PDE6D: variants seen among roughly 807,000 people sequenced by gnomAD.
PDE6D encodes the protein phosphodiesterase 6D.
PDE6D carries 10 observed loss-of-function variants against 21.9 expected under a neutral mutation model. The observed-to-expected ratio is 0.46, with a 90% confidence interval of 0.28 to 0.78. PDE6D has a LOEUF of 0.78. PDE6D is among the 30% of genes least tolerant of loss of function. PDE6D has a pLI of 0.12. For missense variants in PDE6D, 139 were observed against 184.8 expected (o/e 0.75, Z 1.44); for synonymous variants, 59 against 63.5 (o/e 0.93, Z 0.34).
chr2:231,756,875 T>C (rs1336505625), intron 1 of PDE6D, among the ~76,000 whole-genome samples: 1 of 139,152 alleles, frequency 7.2e-6, no homozygotes, highest in African/African-American at 2.6e-5. Context: ...TAGGTTTAAG[T>C]GCTCAAAAAA....
intron 1 of PDE6D, among the ~76,000 whole-genome samples, chr2:231,776,617 G>A (rs530587892): frequency 2.6e-5 from 4 of 152,288 alleles, no homozygotes; most frequent in Admixed American, 2.6e-4. Flanking sequence ...CTTCTAAACA[G>A]ACATAAAGCT....
intron 1 of PDE6D, among the ~76,000 whole-genome samples, chr2:231,752,499 T>C (rs2048848003): frequency 6.6e-6 from 1 of 152,220 alleles, no homozygotes; most frequent in Admixed American, 6.5e-5. Flanking sequence ...AGGCACATTA[T>C]GGAAGTGACT....
chr2:231,773,739 G>A (rs560182628), intron 1 of PDE6D, among the ~76,000 whole-genome samples: 174 of 152,126 alleles, frequency 1.1e-3, no homozygotes, highest in Middle Eastern at 3.4e-3. Flanking sequence ...TTGCTAACCT[G>A]CCATAAATTA....
chr2:231,759,528 A>G (rs1223344548), intron 1 of PDE6D, among the ~76,000 whole-genome samples: 1 of 152,170 alleles, frequency 6.6e-6, no homozygotes, highest in Non-Finnish European at 1.5e-5. Flanking sequence ...AATGTCTAAA[A>G]AATTGTTATG....
chr2:231,750,660 ATTTTTTTTTTT>A (rs561604556), intron 1 of PDE6D, among the ~76,000 whole-genome samples: 1 of 92,118 alleles, frequency 1.1e-5, no homozygotes, highest in Admixed American at 1.1e-4. Context: ...TGCTCATCTA[ATTTTTTTTTTT>A]TTTTTTTTTT....
intron 1 of PDE6D, among the ~76,000 whole-genome samples, chr2:231,747,250 C>T (rs576070836): frequency 6.6e-6 from 1 of 152,186 alleles, no homozygotes; most frequent in Non-Finnish European, 1.5e-5. Flanking sequence ...GCCACCACAC[C>T]TGGCTAATTT....
chr2:231,768,574 G>T (rs2048990997), intron 1 of PDE6D: 1 of 152,030 alleles, frequency 6.6e-6, no homozygotes, highest in South Asian at 2.1e-4. Flanking sequence ...TTTTAGTAGA[G>T]ACAGGGTTTC....
intron 1 of PDE6D, among the ~76,000 whole-genome samples, chr2:231,750,660 A>ATTTTTTTTTTT (rs561604556): frequency 1.1e-5 from 1 of 92,118 alleles, no homozygotes; most frequent in Non-Finnish European, 1.9e-5. Context: ...TGCTCATCTA[A>ATTTTTTTTTTT]TTTTTTTTTT....
intron 1 of PDE6D, among the ~76,000 whole-genome samples, chr2:231,746,465 T>C (rs972981036): frequency 1.3e-5 from 2 of 152,144 alleles, no homozygotes; most frequent in Non-Finnish European, 2.9e-5. Flanking sequence ...TTACATGTGC[T>C]CCAAGATAAT....
intron 1 of PDE6D, among the ~76,000 whole-genome samples, chr2:231,747,159 C>T (rs998176534): frequency 3.3e-5 from 5 of 152,148 alleles, no homozygotes; most frequent in African/African-American, 7.2e-5. Context: ...GGTGCGATCT[C>T]GGCTCACTGC....
intron 1 of PDE6D, among the ~76,000 whole-genome samples, chr2:231,776,213 TG>T (rs926994167): frequency 6.7e-6 from 1 of 148,890 alleles, no homozygotes; most frequent in Non-Finnish European, 1.5e-5. Flanking sequence ...CCCAGCTACT[TG>T]GGAGGCTGAG....
At position 231,771,353 on chromosome 2, in the gene PDE6D, G is replaced by A. The variant is rs2049014392; in HGVS notation, c.50+9712C>T. Among the ~76,000 whole-genome samples, 5 of 152,268 alleles carry A rather than the reference G, an allele frequency of 3.3e-5. No homozygotes were observed. In the South Asian group the frequency reaches 1.0e-3, roughly 32 times the overall value. On this transcript the variant is annotated intron_variant, in intron 1 of 4. Coordinates refer to ENST00000287600, the MANE Select transcript of PDE6D (RefSeq NM_002601.4). ...CAGAGAGGCATCATGGTATACTGTA[G>A]AAAACATGGACTTTTAAAAAGACAA...
chr2:231,752,258 G>C (rs1485496741), intron 1 of PDE6D, among the ~76,000 whole-genome samples: 1 of 152,192 alleles, frequency 6.6e-6, no homozygotes, highest in African/African-American at 2.4e-5. Flanking sequence ...AATACAGTTG[G>C]TTTAGAGCAG....
intron 1 of PDE6D, among the ~76,000 whole-genome samples, chr2:231,776,932 G>C (rs532138328): frequency 4.4e-4 from 67 of 152,322 alleles, no homozygotes; most frequent in Non-Finnish European, 1.2e-4. Context: ...TGAGAGCCTT[G>C]CATTTCTTGA....
At chr2:231,776,119 G>C (rs1330075081) in intron 1 of PDE6D, among the ~76,000 whole-genome samples, 1 of 151,852 alleles carries the variant, frequency 6.6e-6, no homozygotes, top group Non-Finnish European at 1.5e-5. Context: ...TCAGGAGTTC[G>C]AGACCAGCCT....
chr2:231,768,539 C>A (rs1326413662), intron 1 of PDE6D: 1 of 151,960 alleles, frequency 6.6e-6, no homozygotes, highest in Non-Finnish European at 1.5e-5. Flanking sequence ...AAGCATGCAC[C>A]ACCACGCCCA....
intron 1 of PDE6D, among the ~76,000 whole-genome samples, chr2:231,746,568 A>G (rs2048795613): frequency 6.6e-6 from 1 of 152,234 alleles, no homozygotes; most frequent in South Asian, 2.1e-4. Context: ...TGGAATGAGT[A>G]CACTGGTTCT....
intron 1 of PDE6D, among the ~76,000 whole-genome samples, chr2:231,774,935 CAG>C (rs1447529778): frequency 6.7e-6 from 1 of 148,854 alleles, no homozygotes; most frequent in Admixed American, 6.8e-5. Context: ...TTTTTTGAGA[CAG>C]AGTCTCACTC....
chr2:231,742,497 G>C (rs1017695192), intron 1 of PDE6D, among the ~76,000 whole-genome samples: 1 of 152,024 alleles, frequency 6.6e-6, no homozygotes, highest in African/African-American at 2.4e-5. Context: ...AGAGTGCTAA[G>C]GTTTTTTTTG....
Sources: gnomAD v4.1 joint callset for allele counts (sites outside exome capture counted in the v4.1 genomes callset) on GRCh38, gnomAD v4.1.1 for gene constraint, MANE v1.5 for transcripts, NCBI Gene and HGNC (gene_info 2026-07-23, HGNC 2026-07-21) for gene names.